NTM: variants seen among roughly 807,000 people sequenced by gnomAD.
NTM encodes the protein neurotrimin, also known as IgLON family member 2.
In NTM, 13 loss-of-function variants were observed where a neutral mutation model predicts 42.1. The observed-to-expected ratio is 0.31, with a 90% confidence interval of 0.20 to 0.49. The LOEUF (loss-of-function observed/expected upper bound fraction) is 0.49. Ranked by LOEUF, NTM falls within the 20% of genes least tolerant of loss-of-function variation. NTM has a pLI of 0.99. For synonymous variants in NTM, 187 were observed against 179.2 expected (o/e 1.04, Z -0.35); for missense variants, 373 against 452.8 (o/e 0.82, Z 1.60).
chr11:131,417,997 G>C (rs1444351005), intron 1 of NTM, among the ~76,000 whole-genome samples: 1 of 152,168 alleles, frequency 6.6e-6, no homozygotes, highest in Admixed American at 6.5e-5. Flanking sequence ...TTTTCTCTGA[G>C]CTATTGGCAG....
chr11:131,676,555 G>A (rs888301069), intron 1 of NTM, among the ~76,000 whole-genome samples: 2 of 152,184 alleles, frequency 1.3e-5, no homozygotes, highest in African/African-American at 4.8e-5. Flanking sequence ...GCACATAAGA[G>A]ACAGAAGGTT....
intron 1 of NTM, among the ~76,000 whole-genome samples, chr11:131,869,240 T>A (rs751060953): frequency 1.3e-5 from 2 of 152,350 alleles, no homozygotes; most frequent in Non-Finnish European, 2.9e-5. Context: ...CCTTGATGAC[T>A]GGAAGAGGGA....
chr11:131,811,570 C>T (rs1453051590), intron 1 of NTM, among the ~76,000 whole-genome samples: 2 of 152,138 alleles, frequency 1.3e-5, no homozygotes, highest in Non-Finnish European at 2.9e-5. Flanking sequence ...GGCTGCAGAG[C>T]AAGTTTATGG....
chr11:131,658,385 C>T (rs1479717558), intron 1 of NTM, among the ~76,000 whole-genome samples: 1 of 152,178 alleles, frequency 6.6e-6, no homozygotes, highest in Non-Finnish European at 1.5e-5. Flanking sequence ...ACAGAGCATT[C>T]CCATAGACCC....
intron 1 of NTM, among the ~76,000 whole-genome samples, chr11:131,396,910 G>A (rs577428004): frequency 6.6e-6 from 1 of 151,928 alleles, no homozygotes; most frequent in South Asian, 2.1e-4. Flanking sequence ...GGAAGCTCAC[G>A]TCACCTCTCT....
intron 1 of NTM, among the ~76,000 whole-genome samples, chr11:131,688,776 G>C (rs2074270390): frequency 1.3e-5 from 2 of 152,220 alleles, no homozygotes; most frequent in Non-Finnish European, 2.9e-5. Flanking sequence ...CAAACCGTCA[G>C]TCCTGCTGTC....
At chr11:132,119,377 T>A (rs543916787) in intron 2 of NTM, among the ~76,000 whole-genome samples, 16 of 152,176 alleles carry the variant, frequency 1.1e-4, no homozygotes, top group Middle Eastern at 3.4e-3. Context: ...GCGCTTGACA[T>A]CATGACTGAC....
At chr11:132,328,414 AGT>A (rs1240902749) in intron 7 of NTM, among the ~76,000 whole-genome samples, 6 of 152,096 alleles carry the variant, frequency 3.9e-5, no homozygotes, top group Non-Finnish European at 8.8e-5. Context: ...TCTTTCAAGT[AGT>A]GTGTGTTGGA....
At chr11:131,876,387 A>G (rs1190194376) in intron 1 of NTM, among the ~76,000 whole-genome samples, 2 of 152,220 alleles carry the variant, frequency 1.3e-5, no homozygotes, top group African/African-American at 2.4e-5. Flanking sequence ...CTCCCACCAC[A>G]TTCAGACTCT....
chr11:132,079,081 A>T lies in NTM; in HGVS notation c.168-67201A>T, dbSNP rs114337268. Reference sequence around the variant, plus strand: ...AGCGCGAGCCCACGGAAGACAAGCAATGTGGTTCAGGGCCTGTGCTTCTGT... The same window carrying T: ...AGCGCGAGCCCACGGAAGACAAGCATTGTGGTTCAGGGCCTGTGCTTCTGT... On this transcript the variant is annotated intron_variant, in intron 2 of 8. Transcript: ENST00000683400. Among the ~76,000 whole-genome samples, 4 of 152,290 alleles carry T rather than the reference A, an allele frequency of 2.6e-5. No individual in the cohort carries two copies. In the South Asian group the frequency reaches 8.3e-4, roughly 32 times the overall value.
intron 2 of NTM, among the ~76,000 whole-genome samples, chr11:132,105,791 A>G (rs1487464486): frequency 6.6e-6 from 1 of 152,058 alleles, no homozygotes; most frequent in African/African-American, 2.4e-5. Flanking sequence ...GCTGGCAGAC[A>G]TTGGCTTGAG....
intron 1 of NTM, among the ~76,000 whole-genome samples, chr11:131,860,085 C>A (rs942052210): frequency 1.3e-5 from 2 of 152,134 alleles, no homozygotes; most frequent in Admixed American, 6.5e-5. Context: ...TATATCGGGC[C>A]TCAGCTCCTA....
intron 1 of NTM, among the ~76,000 whole-genome samples, chr11:131,435,465 T>C (rs1049987176): frequency 6.6e-6 from 1 of 152,320 alleles, no homozygotes; most frequent in Non-Finnish European, 1.5e-5. Flanking sequence ...TTTTATTTCA[T>C]TGAGCAGTGA....
rs570541848 is a variant in NTM at position 131,789,047 on chromosome 11, A to AGT, written c.83-122514_83-122513dup. Among the ~76,000 whole-genome samples, 167 of 152,118 alleles carry AGT rather than the reference A, an allele frequency of 1.1e-3. 2 individuals carry two copies. The highest frequency in any genetic ancestry group is 3.7e-3 in the African/African-American group (152 of 41,496). The stretch of plus-strand genomic sequence containing the variant: ...CTCTGCGTGGAGCACTCTCTGAATG[A>AGT]GTGTCGACTCTCGAAATCTTTCTTC... On this transcript the variant is annotated intron_variant, in intron 1 of 8. Transcript: ENST00000683400.
intron 2 of NTM, among the ~76,000 whole-genome samples, chr11:132,105,422 G>A (rs188489933): frequency 6.6e-6 from 1 of 152,170 alleles, no homozygotes; most frequent in East Asian, 1.9e-4. Flanking sequence ...CAATGATTGG[G>A]AGAGAAACAT....
At chr11:132,200,577 G>T (rs1417565227) in intron 3 of NTM, among the ~76,000 whole-genome samples, 1 of 152,194 alleles carries the variant, frequency 6.6e-6, no homozygotes, top group South Asian at 2.1e-4. Flanking sequence ...GTGTTTGAGT[G>T]CATAACTACC....
At chr11:131,548,070 A>G (rs532498122) in intron 1 of NTM, among the ~76,000 whole-genome samples, 2 of 152,368 alleles carry the variant, frequency 1.3e-5, no homozygotes, top group Admixed American at 1.3e-4. Flanking sequence ...CCTGAATTTC[A>G]ATGAGCTGCT....
intron 1 of NTM, chr11:131,660,636 C>A (rs746803892): frequency 8.8e-6 from 4 of 455,344 alleles, no homozygotes; most frequent in Non-Finnish European, 1.8e-5. Context: ...CTGTGCACCC[C>A]TCCCCCCTTA....
At chr11:131,431,885 TCC>T (rs1268840922) in intron 1 of NTM, among the ~76,000 whole-genome samples, 1 of 151,780 alleles carries the variant, frequency 6.6e-6, no homozygotes, top group Non-Finnish European at 1.5e-5. Flanking sequence ...TCCCTACCCC[TCC>T]CCATCAGACA....
Sources: gnomAD v4.1 joint callset for allele counts (sites outside exome capture counted in the v4.1 genomes callset) on GRCh38, gnomAD v4.1.1 for gene constraint, MANE v1.5 for transcripts, NCBI Gene and HGNC (gene_info 2026-07-23, HGNC 2026-07-21) for gene names.